Variants in ATP8A2 observed in about 807,000 individuals in gnomAD.
ATP8A2 encodes ATPase phospholipid transporting 8A2.
Under a neutral mutation model 165.6 loss-of-function variants are expected in ATP8A2, and 100 were observed. The ratio of observed to expected loss-of-function variants is 0.60; its 90% CI spans 0.51 to 0.71. The LOEUF (loss-of-function observed/expected upper bound fraction) is 0.71, where lower values mean the gene tolerates loss of function less well. ATP8A2 is among the 30% of genes least tolerant of loss of function. ATP8A2 has a pLI of 0.00. For synonymous variants in ATP8A2, 543 were observed against 548.8 expected, an observed-to-expected ratio of 0.99 and a Z score of 0.15; for missense variants, 1,227 against 1,479.5, an observed-to-expected ratio of 0.83 and a Z score of 2.80.
Position 25,578,845 on chromosome 13 carries a change from G to T in ATP8A2, c.1813G>T (p.Asp605Tyr). ...DNVIFERLSK[D>Y]SKYMEETLCH... is the part of the protein sequence containing the mutation. ...TGTGATTTTTGAGAGACTTTCAAAA[G>T]ACTCAAAATATATGGAGGAAACATT... Residue 605 changes from aspartate (D) to tyrosine (Y), a missense_variant, in exon 21 of 37, where the codon GAC becomes TAC. This residue lies in a region of ATP8A2 where 592 missense variants were observed against 785.6 expected (regional missense o/e 0.75). Transcript: ENST00000381655. The T allele has an allele frequency of 3.1e-6, 5 of 1,609,664 alleles. No homozygotes were observed. The highest frequency in any genetic ancestry group is 4.3e-6 in the Non-Finnish European group (5 of 1,176,026).
intron 33 of ATP8A2, among the ~76,000 whole-genome samples, chr13:25,909,298 A>T (rs933466262): frequency 9.8e-5 from 15 of 152,346 alleles, no homozygotes; most frequent in Admixed American, 8.5e-4. Context: ...CCTCAAATAA[A>T]TGATAAAATA....
rs987710864 is a variant in ATP8A2, at chr13:25,953,884, T to C, written c.3184-7691T>C. Reference sequence around the variant, plus strand: ...AGACCAGGAGATTCCCTCCGGTGCCTACATCACCAGGGCCCTGGGTTTCAA... The same window carrying C: ...AGACCAGGAGATTCCCTCCGGTGCCCACATCACCAGGGCCCTGGGTTTCAA... On this transcript the variant is annotated intron_variant, in intron 33 of 36. Coordinates refer to ENST00000381655, the MANE Select transcript of ATP8A2 (RefSeq NM_016529.6). This position sits in a 1 kb window ranked among gnomAD's most constrained non-coding sequence, Gnocchi z 6.7. Among the ~76,000 whole-genome samples, 5 of 152,234 alleles carry C rather than the reference T, an allele frequency of 3.3e-5. No homozygotes were observed. Among genetic ancestry groups the C allele is most frequent in the Admixed American group, 2.0e-4 (3 of 15,302 alleles).
At chr13:25,672,939 A>G (rs547997711) in intron 24 of ATP8A2, among the ~76,000 whole-genome samples, 3 of 152,196 alleles carry the variant, frequency 2.0e-5, no homozygotes, top group Non-Finnish European at 2.9e-5. Context: ...TTTGGGAGAC[A>G]TGAATAATAT....
At chr13:25,891,619 C>A (rs780846503) in intron 33 of ATP8A2, among the ~76,000 whole-genome samples, 1 of 152,066 alleles carries the variant, frequency 6.6e-6, no homozygotes, top group African/African-American at 2.4e-5. Context: ...CCACTGTGCC[C>A]GGCCAGATCT....
chr13:25,645,134 A>T (rs2041637330), intron 24 of ATP8A2, among the ~76,000 whole-genome samples: 1 of 152,122 alleles, frequency 6.6e-6, no homozygotes. Flanking sequence ...GCTTATTTGG[A>T]CTTACTGTTC....
chr13:25,768,366 A>C (rs1404663840), intron 25 of ATP8A2, among the ~76,000 whole-genome samples: 3 of 152,092 alleles, frequency 2.0e-5, no homozygotes, highest in African/African-American at 7.2e-5. Context: ...TTGTGGAAAG[A>C]ACCCTTCCTA....
chr13:25,852,281 G>A (rs142940795), intron 30 of ATP8A2, among the ~76,000 whole-genome samples: 3 of 152,298 alleles, frequency 2.0e-5, no homozygotes, highest in African/African-American at 7.2e-5. Context: ...CATCTAGCGG[G>A]TGGAAGCCAG....
At chr13:25,845,886 A>T (rs1951850208) in intron 30 of ATP8A2, among the ~76,000 whole-genome samples, 1 of 152,216 alleles carries the variant, frequency 6.6e-6, no homozygotes, top group African/African-American at 2.4e-5. Flanking sequence ...GTAAAAAGAT[A>T]AAAGAGTGGC....
intron 33 of ATP8A2, among the ~76,000 whole-genome samples, chr13:25,934,686 A>C (rs1023775344): frequency 6.6e-6 from 1 of 152,184 alleles, no homozygotes; most frequent in Non-Finnish European, 1.5e-5. Context: ...ATAGAGGAAC[A>C]CGGGAGGGAG....
At chr13:25,917,715 C>T (rs1464532624) in intron 33 of ATP8A2, among the ~76,000 whole-genome samples, 1 of 152,174 alleles carries the variant, frequency 6.6e-6, no homozygotes, top group Non-Finnish European at 1.5e-5. Context: ...TTAATGTTGA[C>T]ATAAATAATT....
chr13:25,610,325 C>T (rs2040649616), intron 24 of ATP8A2, among the ~76,000 whole-genome samples: 1 of 152,136 alleles, frequency 6.6e-6, no homozygotes, highest in Non-Finnish European at 1.5e-5. Flanking sequence ...TTTCATTCTT[C>T]TACATGTGGC....
intron 25 of ATP8A2, among the ~76,000 whole-genome samples, chr13:25,712,415 T>G (rs2137985627): frequency 6.6e-6 from 1 of 152,280 alleles, no homozygotes; most frequent in Middle Eastern, 3.4e-3. Context: ...TCTTTCTAGG[T>G]GCACACTCAG....
chr13:25,635,993 G>A (rs774816192), intron 24 of ATP8A2, among the ~76,000 whole-genome samples: 4 of 152,164 alleles, frequency 2.6e-5, no homozygotes, highest in Non-Finnish European at 4.4e-5. Context: ...AGATTTGCAT[G>A]CCTGGAGGAT....
chr13:25,841,874 A>T (rs1463429352), intron 30 of ATP8A2, among the ~76,000 whole-genome samples: 4 of 152,134 alleles, frequency 2.6e-5, no homozygotes, highest in Admixed American at 6.5e-5. Flanking sequence ...TCTTGTTAGG[A>T]CCTACTTGAT....
intron 25 of ATP8A2, among the ~76,000 whole-genome samples, chr13:25,714,898 C>G (rs2043224403): frequency 6.6e-6 from 1 of 152,136 alleles, no homozygotes; most frequent in South Asian, 2.1e-4. Flanking sequence ...TTGGAGGAAC[C>G]AAGGAGCCTT....
chr13:25,468,788 G>C, intron 1 of ATP8A2, 189 bp from the exon 2 acceptor site: 1 of 976,328 alleles, frequency 1.0e-6, no homozygotes, highest in Non-Finnish European at 1.2e-6. Context: ...CCGGGGGCGG[G>C]GCCGGCCTTG....
chr13:25,512,953 T>C (rs1266885722), intron 2 of ATP8A2, among the ~76,000 whole-genome samples: 21 of 96,048 alleles, frequency 2.2e-4, no homozygotes, highest in East Asian at 1.1e-3. Flanking sequence ...GCTGGCCGGG[T>C]GGGGGGCTGA....
chr13:25,600,367 T>C (rs1364318786), intron 24 of ATP8A2, among the ~76,000 whole-genome samples: 2 of 152,174 alleles, frequency 1.3e-5, no homozygotes, highest in African/African-American at 4.8e-5. Context: ...GGAGTGTGGT[T>C]GGTAGTTCCT....
At chr13:25,649,797 A>G (rs1231028409) in intron 24 of ATP8A2, among the ~76,000 whole-genome samples, 2 of 152,166 alleles carry the variant, frequency 1.3e-5, no homozygotes, top group Admixed American at 1.3e-4. Context: ...TAGGAATTCA[A>G]GCCAGGTAGC....
Sources: allele counts gnomAD v4.1 joint callset (sites outside exome capture counted in the v4.1 genomes callset), GRCh38; gene constraint gnomAD v4.1.1; regional missense constraint gnomAD v4.1.1; non-coding constraint Gnocchi (gnomAD v3.1); transcripts MANE v1.5; gene names NCBI Gene and HGNC (gene_info 2026-07-23, HGNC 2026-07-21).